CAMTA1: variants seen among roughly 807,000 people sequenced by gnomAD.
CAMTA1 encodes the protein calmodulin binding transcription activator 1, also known as calmodulin-binding transcription activator 1.
A neutral mutation model predicts 170.9 loss-of-function variants in CAMTA1; 27 were observed. That is an observed-to-expected ratio of 0.16 (90% CI 0.12 to 0.22). The LOEUF (loss-of-function observed/expected upper bound fraction) is 0.22. Among genes scored for constraint, CAMTA1 ranks in the 10% least tolerant of loss-of-function variants. The pLI, the probability that CAMTA1 is intolerant of heterozygous loss-of-function variation, is 1.00. For synonymous variants in CAMTA1, 833 were observed against 891.5 expected (o/e 0.93, Z 1.17); for missense variants, 1,619 against 2,217.2 (o/e 0.73, Z 5.42).
intron 6 of CAMTA1, among the ~76,000 whole-genome samples, chr1:7,505,072 T>C (rs2094080278): frequency 6.6e-6 from 1 of 151,158 alleles, no homozygotes; most frequent in Non-Finnish European, 1.5e-5. Context: ...AGGAGTTCAG[T>C]GTAGCGCACA....
At chr1:7,367,161 G>A (rs932437853) in intron 5 of CAMTA1, among the ~76,000 whole-genome samples, 8 of 152,208 alleles carry the variant, frequency 5.3e-5, no homozygotes, top group African/African-American at 9.7e-5. Flanking sequence ...CCAAGGAGCT[G>A]GAGCCTCTTT....
At chr1:6,954,239 C>A (rs1435832459) in intron 3 of CAMTA1, among the ~76,000 whole-genome samples, 1 of 152,174 alleles carries the variant, frequency 6.6e-6, no homozygotes, top group Non-Finnish European at 1.5e-5. Flanking sequence ...GGTTAAGGCT[C>A]TTGACAGCAC....
intron 1 of CAMTA1, among the ~76,000 whole-genome samples, chr1:6,790,495 ATTTAATATTTG>A (rs886597013): frequency 1.2e-4 from 19 of 152,188 alleles, no homozygotes; most frequent in African/African-American, 3.9e-4. Flanking sequence ...TGGAATGCTT[ATTTAATATTTG>A]AACGGCAGCA....
chr1:7,635,282 A>C lies in CAMTA1; in HGVS notation c.511-5118A>C, dbSNP rs1355174611. Reference sequence around the variant, plus strand: ...GAAACATCAGGGCAGCCTGGGCAAGACAAAGGCAGCTTCACTCCACAACTG... The same window carrying C: ...GAAACATCAGGGCAGCCTGGGCAAGCCAAAGGCAGCTTCACTCCACAACTG... On this transcript the variant is annotated intron_variant, in intron 6 of 22. Transcript: ENST00000303635. The surrounding 1 kb of genome is among the most constrained non-coding windows in gnomAD (Gnocchi z 4.4). Among the ~76,000 whole-genome samples the C allele has an allele frequency of 6.6e-6, 1 of 152,170 alleles. No individual in the cohort carries two copies. Among genetic ancestry groups the C allele is most frequent in the Non-Finnish European group, 1.5e-5 (1 of 68,030 alleles).
At chr1:7,021,187 A>G (rs1408335651) in intron 3 of CAMTA1, among the ~76,000 whole-genome samples, 1 of 152,238 alleles carries the variant, frequency 6.6e-6, no homozygotes, top group Non-Finnish European at 1.5e-5. Context: ...CTCTGCATTT[A>G]CATGGGTGGC....
At chr1:7,217,223 T>C (rs550588032) in intron 4 of CAMTA1, among the ~76,000 whole-genome samples, 179 of 152,338 alleles carry the variant, frequency 1.2e-3, no homozygotes, top group African/African-American at 4.1e-3. Flanking sequence ...TCTCCCCCTT[T>C]GCTCGGCACT....
chr1:6,989,936 G>T (rs1439171389), intron 3 of CAMTA1, among the ~76,000 whole-genome samples: 2 of 152,186 alleles, frequency 1.3e-5, no homozygotes, highest in African/African-American at 4.8e-5. Context: ...GAGAATGGGG[G>T]AGTGGGGCAG....
At chr1:7,403,078 C>T (rs1301277848) in intron 5 of CAMTA1, among the ~76,000 whole-genome samples, 1 of 152,250 alleles carries the variant, frequency 6.6e-6, no homozygotes, top group Non-Finnish European at 1.5e-5. Flanking sequence ...ATCACCCAGG[C>T]GCGGTGGCTC....
chr1:7,297,712 A>G (rs897593702), intron 5 of CAMTA1, among the ~76,000 whole-genome samples: 6 of 152,220 alleles, frequency 3.9e-5, no homozygotes, highest in African/African-American at 1.4e-4. Flanking sequence ...GCCTTCTCCT[A>G]TAATCTAGGC....
intron 4 of CAMTA1, among the ~76,000 whole-genome samples, chr1:7,110,159 C>A (rs1353996170): frequency 6.6e-6 from 1 of 152,138 alleles, no homozygotes; most frequent in Non-Finnish European, 1.5e-5. Context: ...ATCTGGATCC[C>A]ACCCATTCAC....
chr1:7,665,077 G>A lies in CAMTA1; in HGVS notation c.2530G>A (p.Ala844Thr). The change falls in exon 9 of 23, where the codon GCC (alanine) becomes ACC (threonine). Residue 844 changes from alanine to threonine, a missense_variant. By Grantham distance (58) the Ala-to-Thr change is moderately conservative (BLOSUM62 0). Around this residue, in one of 8 missense-constraint regions of CAMTA1, gnomAD observed 731 missense variants for 907.6 expected, o/e 0.81. Coordinates refer to ENST00000303635, the MANE Select transcript of CAMTA1 (RefSeq NM_015215.4). The surrounding 1 kb of genome is among the most constrained non-coding windows in gnomAD (Gnocchi z 4.3). ...SSSEGGASTM[A>T]YMHVAEVVSA... The stretch of plus-strand genomic sequence containing the variant: ...CTCGGAGGGCGGGGCCAGCACCATG[G>A]CCTACATGCACGTCGCCGAGGTGGT... 6.4e-7 allele frequency: 1 copy of A among 1,556,980 alleles called. No individual in the cohort carries two copies. Among genetic ancestry groups the A allele is most frequent in the East Asian group, 2.3e-5 (1 of 44,310 alleles).
chr1:7,219,584 A>G (rs1660378670), intron 4 of CAMTA1: 1 of 142,796 alleles, frequency 7.0e-6, no homozygotes, highest in Non-Finnish European at 1.5e-5. Context: ...GAGACACACC[A>G]TCTTCCATGG....
intron 3 of CAMTA1, among the ~76,000 whole-genome samples, chr1:7,011,623 C>G (rs1307537764): frequency 6.6e-6 from 1 of 152,196 alleles, no homozygotes; most frequent in Non-Finnish European, 1.5e-5. Context: ...ATCCCCGTCC[C>G]AGTTCCCAGC....
intron 5 of CAMTA1, among the ~76,000 whole-genome samples, chr1:7,324,850 T>C (rs1168449087): frequency 6.6e-6 from 1 of 152,048 alleles, no homozygotes; most frequent in Admixed American, 6.6e-5. Context: ...ATCCTTTATT[T>C]CTATTTTTCA....
chr1:6,957,059 G>A (rs1002980604), intron 3 of CAMTA1, among the ~76,000 whole-genome samples: 5 of 152,210 alleles, frequency 3.3e-5, no homozygotes, highest in African/African-American at 4.8e-5. Context: ...GAATCAGAGC[G>A]CCTTGGATGT....
At chr1:6,927,713 C>G (rs1456429990) in intron 3 of CAMTA1, among the ~76,000 whole-genome samples, 1 of 152,248 alleles carries the variant, frequency 6.6e-6, no homozygotes, top group Admixed American at 6.5e-5. Flanking sequence ...TCCACTGCCT[C>G]AAGCTAGTGG....
intron 6 of CAMTA1, among the ~76,000 whole-genome samples, chr1:7,596,653 C>A (rs1386753814): frequency 2.6e-5 from 4 of 152,248 alleles, no homozygotes; most frequent in Non-Finnish European, 5.9e-5. Flanking sequence ...GCTCCCTGGA[C>A]TGGTTTGCTC....
rs1189233408 is a variant in CAMTA1 at position 7,642,766 on chromosome 1, T to G, written c.664+2213T>G. Reference sequence around the variant, plus strand: ...CCCCAGACCAATGCCCCACCCTCTCTGCACCCCAGTACCCCTTCTATAAAG... The same window carrying G: ...CCCCAGACCAATGCCCCACCCTCTCGGCACCCCAGTACCCCTTCTATAAAG... On this transcript the variant is annotated intron_variant, in intron 7 of 22. Coordinates refer to ENST00000303635, the MANE Select transcript of CAMTA1 (RefSeq NM_015215.4). The surrounding 1 kb of genome is among the most constrained non-coding windows in gnomAD (Gnocchi z 6.3). Among the ~76,000 whole-genome samples, 1 of 152,086 alleles carries G rather than the reference T, an allele frequency of 6.6e-6. No individual in the cohort carries two copies.
intron 4 of CAMTA1, among the ~76,000 whole-genome samples, chr1:7,112,970 C>T (rs1439427516): frequency 6.6e-6 from 1 of 152,240 alleles, no homozygotes; most frequent in East Asian, 1.9e-4. Context: ...ATGCTGCTTC[C>T]TTCACCCCAT....
Sources: gnomAD v4.1 joint callset for allele counts (sites outside exome capture counted in the v4.1 genomes callset) on GRCh38, gnomAD v4.1.1 for gene constraint, gnomAD v4.1.1 regional missense constraint, Gnocchi (gnomAD v3.1) non-coding constraint, MANE v1.5 for transcripts, NCBI Gene and HGNC (gene_info 2026-07-23, HGNC 2026-07-21) for gene names.